Variants in ULK4 observed in about 807,000 individuals in gnomAD.
ULK4 encodes the protein unc-51 like kinase 4, also known as inactive serine/threonine-protein kinase ULK4.
ULK4 carries 133 observed loss-of-function variants against 160.6 expected under a neutral mutation model. The ratio of observed to expected loss-of-function variants is 0.83; its 90% CI spans 0.72 to 0.96. The LOEUF is 0.96. Ranked by LOEUF, ULK4 falls within the 40% of genes least tolerant of loss-of-function variation. The pLI is 0.00. For missense variants in ULK4, 1,580 were observed against 1,499.5 expected, an observed-to-expected ratio of 1.05 and a Z score of -0.89; for synonymous variants, 534 against 539.8, an observed-to-expected ratio of 0.99 and a Z score of 0.15.
At chr3:41,487,520 A>T (rs2084582340) in intron 32 of ULK4, among the ~76,000 whole-genome samples, 1 of 152,194 alleles carries the variant, frequency 6.6e-6, no homozygotes, top group South Asian at 2.1e-4. Context: ...ATGGGACAAA[A>T]CAGAGTCTAG....
intron 2 of ULK4, among the ~76,000 whole-genome samples, chr3:41,943,067 G>A (rs1700008367): frequency 6.6e-6 from 1 of 151,780 alleles, no homozygotes; most frequent in Non-Finnish European, 1.5e-5. Context: ...CAAAAAATTA[G>A]CCGGGCATGG....
At chr3:41,921,335 G>C (rs547044878) in intron 5 of ULK4, among the ~76,000 whole-genome samples, 4 of 151,898 alleles carry the variant, frequency 2.6e-5, no homozygotes, top group African/African-American at 9.7e-5. Context: ...ACGAGGGCCG[G>C]GCACGGTGGC....
intron 22 of ULK4, among the ~76,000 whole-genome samples, chr3:41,731,408 T>C (rs187050226): frequency 6.6e-6 from 1 of 152,094 alleles, no homozygotes; most frequent in East Asian, 1.9e-4. Flanking sequence ...AAAATTCTCT[T>C]AATATGTTTA....
At chr3:41,823,365 C>A (rs1365651074) in intron 18 of ULK4, among the ~76,000 whole-genome samples, 1 of 152,096 alleles carries the variant, frequency 6.6e-6, no homozygotes, top group Non-Finnish European at 1.5e-5. Flanking sequence ...TCTGAAGAGC[C>A]AGCCCAAAAG....
At chr3:41,440,933 A>G (rs1301464931) in intron 34 of ULK4, among the ~76,000 whole-genome samples, 2 of 152,032 alleles carry the variant, frequency 1.3e-5, no homozygotes, top group Non-Finnish European at 2.9e-5. Context: ...GCATAAAGCT[A>G]TTTATAATAT....
At chr3:41,504,359 T>C (rs889416034) in intron 32 of ULK4, among the ~76,000 whole-genome samples, 15 of 152,162 alleles carry the variant, frequency 9.9e-5, no homozygotes, top group African/African-American at 3.4e-4. Context: ...GACCAGACCC[T>C]AGAATAGCAG....
intron 22 of ULK4, 139 bp from the exon 23 acceptor site, chr3:41,718,000 G>A: frequency 9.8e-7 from 1 of 1,021,754 alleles, no homozygotes; most frequent in Non-Finnish European, 1.4e-6. Flanking sequence ...CAACTTGTCG[G>A]GCACAATTTT....
intron 17 of ULK4, among the ~76,000 whole-genome samples, chr3:41,858,598 T>C (rs1237289788): frequency 1.4e-5 from 2 of 145,610 alleles, no homozygotes; most frequent in Non-Finnish European, 3.0e-5. Context: ...ACTCAAGCAA[T>C]CCTCCCACCT....
chr3:41,643,809 A>T (rs377605658), intron 30 of ULK4, among the ~76,000 whole-genome samples: 1 of 152,056 alleles, frequency 6.6e-6, no homozygotes, highest in Admixed American at 6.6e-5. Flanking sequence ...CAATATTGAT[A>T]CTTCCTACCC....
At chr3:41,799,499 A>T (rs1239824949) in intron 20 of ULK4, among the ~76,000 whole-genome samples, 1 of 152,172 alleles carries the variant, frequency 6.6e-6, no homozygotes, top group Non-Finnish European at 1.5e-5. Context: ...AAAGTCAGGG[A>T]ACACTAAAAA....
chr3:41,727,347 A>G (rs2037687095), intron 22 of ULK4, among the ~76,000 whole-genome samples: 1 of 152,200 alleles, frequency 6.6e-6, no homozygotes, highest in Non-Finnish European at 1.5e-5. Context: ...GATACAACCT[A>G]TGGAGTGTAT....
At chr3:41,710,021 C>A (rs2037038184) in intron 25 of ULK4, among the ~76,000 whole-genome samples, 1 of 152,116 alleles carries the variant, frequency 6.6e-6, no homozygotes, top group Non-Finnish European at 1.5e-5. Flanking sequence ...CCTTTGGGAA[C>A]CTGAGGAGGT....
chr3:41,274,274 G>C (rs1056296152), intron 35 of ULK4, among the ~76,000 whole-genome samples: 1 of 151,974 alleles, frequency 6.6e-6, no homozygotes, highest in African/African-American at 2.4e-5. Context: ...ACTCCATCTT[G>C]ACCAGATACG....
At chr3:41,679,800 G>C (rs1323701636) in intron 29 of ULK4, among the ~76,000 whole-genome samples, 2 of 152,316 alleles carry the variant, frequency 1.3e-5, no homozygotes, top group East Asian at 1.9e-4. Flanking sequence ...CTACTGTGTG[G>C]AGGAGACATC....
At chr3:41,771,106 A>G (rs944035387) in intron 21 of ULK4, among the ~76,000 whole-genome samples, 3 of 152,206 alleles carry the variant, frequency 2.0e-5, no homozygotes, top group Non-Finnish European at 4.4e-5. Flanking sequence ...GCTTACCATA[A>G]GAATAGCTCA....
At chr3:41,541,385 A>G (rs760845992) in intron 32 of ULK4, among the ~76,000 whole-genome samples, 7 of 152,120 alleles carry the variant, frequency 4.6e-5, no homozygotes, top group Admixed American at 3.3e-4. Flanking sequence ...CCATTGGTCT[A>G]TATACCTGTT....
intron 35 of ULK4, among the ~76,000 whole-genome samples, chr3:41,312,976 G>T (rs1429465055): frequency 2.6e-5 from 4 of 151,930 alleles, no homozygotes; most frequent in Non-Finnish European, 4.4e-5. Flanking sequence ...TAGAAAAGCA[G>T]AATAAATTCA....
At chr3:41,400,559 A>T (rs1249718903) in intron 34 of ULK4, among the ~76,000 whole-genome samples, 1 of 152,182 alleles carries the variant, frequency 6.6e-6, no homozygotes, top group Admixed American at 6.5e-5. Flanking sequence ...TAGATGTACC[A>T]TAGTTTAACT....
intron 30 of ULK4, among the ~76,000 whole-genome samples, chr3:41,642,524 AT>A (rs1284062964): frequency 2.0e-5 from 3 of 152,110 alleles, no homozygotes; most frequent in African/African-American, 7.2e-5. Flanking sequence ...TGAACTCATC[AT>A]TTTTTATGGC....
Sources: allele counts gnomAD v4.1 joint callset (sites outside exome capture counted in the v4.1 genomes callset), GRCh38; gene constraint gnomAD v4.1.1; transcripts MANE v1.5; gene names NCBI Gene and HGNC (gene_info 2026-07-23, HGNC 2026-07-21).